The following CCSER1 variants were observed in gnomAD, a reference collection of about 807,000 sequenced individuals.
CCSER1 encodes serine-rich coiled-coil domain-containing protein 1.
Under a neutral mutation model 82.0 loss-of-function variants are expected in CCSER1, and 41 were observed. That is an observed-to-expected ratio of 0.50 (90% CI 0.39 to 0.65). CCSER1 has a LOEUF of 0.65. Ranked by LOEUF, CCSER1 falls within the 30% of genes least tolerant of loss-of-function variation. The pLI, the probability that CCSER1 is intolerant of heterozygous loss-of-function variation, is 0.00. For missense variants in CCSER1, 1,119 were observed against 1,064.2 expected, an observed-to-expected ratio of 1.05 and a Z score of -0.72; for synonymous variants, 414 against 383.9, an observed-to-expected ratio of 1.08 and a Z score of -0.92.
chr4:91,444,145 A>G (rs1407228468), intron 10 of CCSER1, among the ~76,000 whole-genome samples: 2 of 152,302 alleles, frequency 1.3e-5, no homozygotes, highest in South Asian at 2.1e-4. Flanking sequence ...ATATACTTAG[A>G]TATTTTCCTT....
At chr4:90,563,849 A>G (rs1294111904) in intron 5 of CCSER1, among the ~76,000 whole-genome samples, 1 of 152,136 alleles carries the variant, frequency 6.6e-6, no homozygotes, top group Non-Finnish European at 1.5e-5. Context: ...TAATTTTTTG[A>G]GGAGATTCCA....
Position 90,448,476 on chromosome 4 carries a change from TATATATATA to T in CCSER1, c.1604-19757_1604-19749del, listed in dbSNP as rs1560533120. ...ATATATATATATATATATATATATA[TATATATATA>T]GCACTTTTCTTCTATTGTTTTCTAC... On this transcript the variant is annotated intron_variant, in intron 4 of 10. Transcript: ENST00000509176. Among the ~76,000 whole-genome samples the T allele has an allele frequency of 1.8e-3, 254 of 138,586 alleles. 3 individuals are homozygous for T. Among genetic ancestry groups the T allele is most frequent in the African/African-American group, 6.7e-3 (245 of 36,786 alleles). 90.9% of individuals were successfully genotyped at this position (138,586 alleles called of 152,430 possible).
At chr4:90,711,260 G>T (rs545544233) in intron 6 of CCSER1, among the ~76,000 whole-genome samples, 3 of 151,960 alleles carry the variant, frequency 2.0e-5, no homozygotes, top group Non-Finnish European at 4.4e-5. Flanking sequence ...TAGATATAGT[G>T]TCATGTTATC....
chr4:90,164,383 C>T (rs144384468), intron 1 of CCSER1, among the ~76,000 whole-genome samples: 10 of 151,620 alleles, frequency 6.6e-5, no homozygotes, highest in East Asian at 1.9e-4. Context: ...TGAAGATAAT[C>T]GCAAACATTT....
chr4:90,580,250 A>G (rs756750373), intron 5 of CCSER1, among the ~76,000 whole-genome samples: 1 of 152,158 alleles, frequency 6.6e-6, no homozygotes, highest in Non-Finnish European at 1.5e-5. Context: ...CTGAAATACC[A>G]CAGGTCAATG....
chr4:91,290,716 A>C (rs1333570437), intron 10 of CCSER1, among the ~76,000 whole-genome samples: 3 of 151,966 alleles, frequency 2.0e-5, no homozygotes, highest in African/African-American at 7.2e-5. Context: ...AAACATATTC[A>C]AATGTTTGAA....
chr4:91,168,815 A>G (rs1732446315), intron 10 of CCSER1, among the ~76,000 whole-genome samples: 2 of 152,120 alleles, frequency 1.3e-5, no homozygotes, highest in Admixed American at 1.3e-4. Flanking sequence ...GTCTGTGTAG[A>G]AAGAAGTAGA....
chr4:91,323,480 A>T (rs1187885545), intron 10 of CCSER1, among the ~76,000 whole-genome samples: 1 of 152,166 alleles, frequency 6.6e-6, no homozygotes, highest in Non-Finnish European at 1.5e-5. Context: ...AAGTAAATTG[A>T]ACTTTTGCTT....
rs554889890 is a variant in CCSER1, at chr4:91,013,951, G to A, written c.2173-71999G>A. Among the ~76,000 whole-genome samples the A allele has an allele frequency of 4.6e-5, 6 of 131,384 alleles. 2 individuals carry two copies. Among genetic ancestry groups the A allele is most frequent in the Non-Finnish European group, 1.1e-4 (6 of 56,694 alleles). 86.2% of individuals were successfully genotyped at this position (131,384 alleles called of 152,430 possible). A position where few individuals can be genotyped will look rare whatever the true frequency, so the allele number is the denominator to read the frequency against. Reference sequence around the variant, plus strand: ...TTTTGTTTTTGTTTTTGTTGTTGTTGTTGTTGTTTTGTATTTCTGAAAAAA... The same window carrying A: ...TTTTGTTTTTGTTTTTGTTGTTGTTATTGTTGTTTTGTATTTCTGAAAAAA... On this transcript the variant is annotated intron_variant, in intron 9 of 10. Coordinates refer to ENST00000509176, the MANE Select transcript of CCSER1 (RefSeq NM_001145065.2).
intron 10 of CCSER1, among the ~76,000 whole-genome samples, chr4:91,333,556 TG>T (rs1455755599): frequency 6.6e-6 from 1 of 152,050 alleles, no homozygotes; most frequent in Non-Finnish European, 1.5e-5. Context: ...CATATTGGGT[TG>T]CACCTCCTAC....
At chr4:91,420,289 A>G (rs4410491) in intron 10 of CCSER1, among the ~76,000 whole-genome samples, 35,415 of 151,962 alleles carry the variant, frequency 0.23, 4,650 homozygotes, top group East Asian at 0.52. Context: ...TCTGCAAACT[A>G]TATGTCTGAT....
chr4:90,175,992 G>A (rs1732593024), intron 1 of CCSER1, among the ~76,000 whole-genome samples: 1 of 151,968 alleles, frequency 6.6e-6, no homozygotes, highest in South Asian at 2.1e-4. Context: ...TATCAATAGA[G>A]TCATCAAGGG....
At chr4:90,413,047 A>G (rs1429121329) in intron 4 of CCSER1, among the ~76,000 whole-genome samples, 1 of 152,212 alleles carries the variant, frequency 6.6e-6, no homozygotes, top group African/African-American at 2.4e-5. Flanking sequence ...ATATACCTAG[A>G]AAACCCTAAA....
chr4:90,523,815 A>G (rs1244851944), intron 5 of CCSER1, among the ~76,000 whole-genome samples: 2 of 152,298 alleles, frequency 1.3e-5, no homozygotes, highest in East Asian at 3.9e-4. Flanking sequence ...GAAGAAAGGC[A>G]TATCTGAAAA....
chr4:91,170,373 A>G (rs184043247), intron 10 of CCSER1, among the ~76,000 whole-genome samples: 1 of 152,314 alleles, frequency 6.6e-6, no homozygotes, highest in Non-Finnish European at 1.5e-5. Flanking sequence ...CAGGAAAAGC[A>G]TATGCCAATG....
chr4:90,484,884 C>T (rs867298811), intron 5 of CCSER1, among the ~76,000 whole-genome samples: 1 of 152,170 alleles, frequency 6.6e-6, no homozygotes, highest in African/African-American at 2.4e-5. Context: ...GCTGGGAGAA[C>T]CACTACTCTC....
chr4:90,440,106 T>C (rs1200364247), intron 4 of CCSER1, among the ~76,000 whole-genome samples: 1 of 151,996 alleles, frequency 6.6e-6, no homozygotes, highest in Non-Finnish European at 1.5e-5. Context: ...TGGGCTCAAG[T>C]AATCATCCCA....
At chr4:90,816,483 G>C (rs1759032183) in intron 8 of CCSER1, among the ~76,000 whole-genome samples, 1 of 151,980 alleles carries the variant, frequency 6.6e-6, no homozygotes, top group South Asian at 2.1e-4. Context: ...TTTTTTCTAA[G>C]TATGTGTTTT....
chr4:90,712,135 A>G (rs1740730726), intron 6 of CCSER1, among the ~76,000 whole-genome samples: 1 of 151,676 alleles, frequency 6.6e-6, no homozygotes, highest in Admixed American at 6.6e-5. Context: ...TGTTTGTCAC[A>G]GTCTGCTTCA....
Sources: allele counts gnomAD v4.1 joint callset (sites outside exome capture counted in the v4.1 genomes callset), GRCh38; gene constraint gnomAD v4.1.1; transcripts MANE v1.5; gene names NCBI Gene and HGNC (gene_info 2026-07-23, HGNC 2026-07-21).